The following BCL9 variants were observed in gnomAD, a reference collection of about 807,000 sequenced individuals.
BCL9 encodes BCL9 transcription coactivator.
Under a neutral mutation model 88.5 loss-of-function variants are expected in BCL9, and 25 were observed. That is an observed-to-expected ratio of 0.28 (90% CI 0.21 to 0.39). The LOEUF is 0.39. BCL9 is among the 10% of genes least tolerant of loss of function. The probability of loss-of-function intolerance (pLI) is 1.00; values close to 1 mark genes in which losing one functional copy is unlikely to be tolerated. For synonymous variants in BCL9, 711 were observed against 673.3 expected, an observed-to-expected ratio of 1.06 and a Z score of -0.87; for missense variants, 1,817 against 1,877.8, an observed-to-expected ratio of 0.97 and a Z score of 0.60.
intron 1 of BCL9, among the ~76,000 whole-genome samples, chr1:147,574,304 G>A (rs1160629813): frequency 6.6e-6 from 1 of 152,168 alleles, no homozygotes; most frequent in African/African-American, 2.4e-5. Flanking sequence ...TCCTGACACC[G>A]CAGTTGTCAT....
intron 1 of BCL9, among the ~76,000 whole-genome samples, chr1:147,580,621 CTTCTCTTA>C (rs1325026910): frequency 1.4e-4 from 21 of 152,336 alleles, no homozygotes; most frequent in Admixed American, 5.9e-4. Context: ...CCCAAACATG[CTTCTCTTA>C]TTGTAAATAG....
intron 1 of BCL9, among the ~76,000 whole-genome samples, chr1:147,555,836 C>A (rs1383421933): frequency 3.3e-5 from 5 of 152,232 alleles, no homozygotes; most frequent in Non-Finnish European, 7.3e-5. Flanking sequence ...TTTAGTAACT[C>A]ATTTTTAAAG....
intron 1 of BCL9, among the ~76,000 whole-genome samples, chr1:147,591,303 T>C (rs1553199878): frequency 6.6e-6 from 1 of 152,228 alleles, no homozygotes; most frequent in Non-Finnish European, 1.5e-5. Context: ...CCACCTTATT[T>C]ATCTATCTGT....
intron 8 of BCL9, among the ~76,000 whole-genome samples, chr1:147,621,642 G>A (rs1406817163): frequency 6.6e-6 from 1 of 152,210 alleles, no homozygotes; most frequent in Non-Finnish European, 1.5e-5. Context: ...GTCAGTGGAA[G>A]TAGTGCCAAG....
intron 1 of BCL9, among the ~76,000 whole-genome samples, chr1:147,562,000 G>A (rs1231261436): frequency 6.6e-6 from 1 of 152,174 alleles, no homozygotes; most frequent in Non-Finnish European, 1.5e-5. Context: ...ATAAATGTAG[G>A]CAAATGTGGA....
intron 1 of BCL9, among the ~76,000 whole-genome samples, chr1:147,554,732 T>A (rs1655029789): frequency 6.6e-6 from 1 of 152,190 alleles, no homozygotes; most frequent in African/African-American, 2.4e-5. Context: ...AGTGTTTAAC[T>A]TCTATGAGAC....
At chr1:147,591,319 C>G (rs141110789) in intron 1 of BCL9, among the ~76,000 whole-genome samples, 67 of 152,198 alleles carry the variant, frequency 4.4e-4, no homozygotes, top group Non-Finnish European at 7.6e-4. Context: ...TCTGTATTCC[C>G]CACTGATCCC....
rs1658601741 is a variant in BCL9, at chr1:147,620,894, T to A, written c.2739T>A (p.Ser913=). 1 of 1,614,182 alleles carries A rather than the reference T, an allele frequency of 6.2e-7. No homozygotes were observed. The highest frequency in any genetic ancestry group is 8.5e-7 in the Non-Finnish European group (1 of 1,180,024). Reference sequence around the variant, plus strand: ...TTAAGTCCCCCCCTGTTTTGGGGTCTGCTGCTGCTTCACCTGTCCACCTCA... The same window carrying A: ...TTAAGTCCCCCCCTGTTTTGGGGTCAGCTGCTGCTTCACCTGTCCACCTCA... The part of the protein sequence containing the change: ...ASIKSPPVLG[S]AAASPVHLKS... The change falls in exon 8 of 10, where the codon TCT becomes TCA. Residue 913 remains serine (S), a synonymous_variant. Transcript: ENST00000234739.
intron 1 of BCL9, among the ~76,000 whole-genome samples, chr1:147,546,391 T>A (rs986044636): frequency 6.6e-6 from 1 of 152,098 alleles, no homozygotes; most frequent in African/African-American, 2.4e-5. Flanking sequence ...CCCCCCTTTT[T>A]TTAAAACACT....
At chr1:147,618,307 G>A (rs782777477) in intron 7 of BCL9, among the ~76,000 whole-genome samples, 6 of 152,122 alleles carry the variant, frequency 3.9e-5, no homozygotes, top group Non-Finnish European at 5.9e-5. Flanking sequence ...CTGCTTCCTC[G>A]GCTGGTAGAA....
intron 3 of BCL9, among the ~76,000 whole-genome samples, chr1:147,608,384 T>G (rs1657837391): frequency 7.1e-6 from 1 of 141,174 alleles, no homozygotes; most frequent in African/African-American, 2.6e-5. Flanking sequence ...GTCTGAATGC[T>G]GATTGGAAAG....
intron 1 of BCL9, among the ~76,000 whole-genome samples, chr1:147,542,964 T>C (rs1181055606): frequency 6.6e-6 from 1 of 152,200 alleles, no homozygotes; most frequent in Non-Finnish European, 1.5e-5. Context: ...AATTGCTGTT[T>C]ATCAGAGAGT....
Position 147,623,921 on chromosome 1 carries a change from A to G in BCL9, c.3243A>G (p.Gly1081=). ...CGATGCCAACCCTCAGCCCAATGGG[A>G]ATGACCCAGCCACTTTCTCACTCCA... The part of the protein sequence containing the change: ...VVPMPTLSPM[G]MTQPLSHSNQ... The change falls in exon 10 of 10, where the codon GGA becomes GGG. Residue 1081 remains glycine (G), a synonymous_variant. Coordinates refer to ENST00000234739, the MANE Select transcript of BCL9 (RefSeq NM_004326.4). 1 of 1,614,164 alleles carries G rather than the reference A, an allele frequency of 6.2e-7. No homozygotes were observed. Among genetic ancestry groups the G allele is most frequent in the Non-Finnish European group, 8.5e-7 (1 of 1,180,036 alleles).
rs1389361383 is a variant in BCL9, at chr1:147,578,861, C to CT, written c.-477-25913dup. On this transcript the variant is annotated intron_variant, in intron 1 of 9. Coordinates refer to ENST00000234739, the MANE Select transcript of BCL9 (RefSeq NM_004326.4). ...ACTTGGAGTCAGGAAATTTGGTTTT[C>CT]TTTCTTTTTTTTTCTTTTTTTTGAG... 2.6e-3 allele frequency among the ~76,000 whole-genome samples: 40 copies of CT among 15,276 alleles called. No homozygotes were observed. In the Admixed American group the frequency reaches 0.033, roughly 13 times the overall value. 10.0% of individuals were successfully genotyped at this position (15,276 alleles called of 152,430 possible).
chr1:147,585,636 A>T (rs587686909), intron 1 of BCL9, among the ~76,000 whole-genome samples: 1 of 152,298 alleles, frequency 6.6e-6, no homozygotes, highest in African/African-American at 2.4e-5. Flanking sequence ...AGACAACCTC[A>T]AAGTTAGTAC....
rs782390721 is a variant in BCL9, at chr1:147,614,552, C to A, written c.496C>A (p.Pro166Thr). Residue 166 changes from proline to threonine, a missense_variant, in exon 6 of 10, where the codon CCC becomes ACC. Physicochemically the swap from Pro to Thr is conservative, Grantham distance 38. This residue lies in a region of BCL9 where 1,228 missense variants were observed against 1,191.6 expected (regional missense o/e 1.03). Transcript: ENST00000234739. ...CCATGGCCAAACTACTGCCACAGAG[C>A]CCACACCTGCTCAGAAGACTCCAGC... ...PSHGQTTATEPTPAQKTPAKV... is the reference protein window; with the variant it reads ...PSHGQTTATETTPAQKTPAKV... 3.1e-6 allele frequency: 5 copies of A among 1,614,060 alleles called. No homozygotes were observed. Among genetic ancestry groups the A allele is most frequent in the Non-Finnish European group, 4.2e-6 (5 of 1,179,992 alleles).
intron 1 of BCL9, among the ~76,000 whole-genome samples, chr1:147,555,757 C>G (rs782547088): frequency 1.5e-4 from 23 of 152,276 alleles, no homozygotes; most frequent in Middle Eastern, 3.4e-3. Flanking sequence ...ATTTGTGGGG[C>G]AATCAGATTT....
intron 1 of BCL9, among the ~76,000 whole-genome samples, chr1:147,560,498 G>A (rs1553195974): frequency 1.3e-5 from 2 of 151,708 alleles, no homozygotes; most frequent in African/African-American, 2.4e-5. Context: ...CGGGATGGGG[G>A]TAGGGCGCCG....
chr1:147,597,571 T>A (rs1450440434), intron 1 of BCL9, among the ~76,000 whole-genome samples: 2 of 152,234 alleles, frequency 1.3e-5, no homozygotes, highest in Non-Finnish European at 2.9e-5. Context: ...TGTTTATGTA[T>A]ATACAGTGTG....
Sources: allele counts gnomAD v4.1 joint callset (sites outside exome capture counted in the v4.1 genomes callset), GRCh38; gene constraint gnomAD v4.1.1; regional missense constraint gnomAD v4.1.1; transcripts MANE v1.5; gene names NCBI Gene and HGNC (gene_info 2026-07-23, HGNC 2026-07-21).